The following GALNT17 variants were observed in gnomAD, a reference collection of about 807,000 sequenced individuals.
GALNT17 encodes the protein polypeptide N-acetylgalactosaminyltransferase 17.
In GALNT17, 29 loss-of-function variants were observed where a neutral mutation model predicts 63.7. That is an observed-to-expected ratio of 0.46 (90% CI 0.34 to 0.62). The LOEUF (loss-of-function observed/expected upper bound fraction) is 0.62, where lower values mean the gene tolerates loss of function less well. GALNT17 is among the 20% of genes least tolerant of loss of function. GALNT17 has a pLI of 0.01. For missense variants in GALNT17, 603 were observed against 799.6 expected (o/e 0.75, Z 2.97); for synonymous variants, 305 against 318.3 (o/e 0.96, Z 0.45).
intron 3 of GALNT17, among the ~76,000 whole-genome samples, chr7:71,397,941 T>TCGTTGTTGTTG (rs1563063497): frequency 5.3e-5 from 8 of 150,690 alleles, no homozygotes; most frequent in Non-Finnish European, 4.4e-5. Context: ...CATTATTGTC[T>TCGTTGTTGTTG]TTGTTGTTGT....
At chr7:71,704,527 A>G (rs969060090) in intron 9 of GALNT17, among the ~76,000 whole-genome samples, 1 of 149,084 alleles carries the variant, frequency 6.7e-6, no homozygotes, top group Non-Finnish European at 1.5e-5. Flanking sequence ...AGCTAATCCT[A>G]AAATACATAT....
chr7:71,479,994 G>GAA (rs1787787706), intron 5 of GALNT17, among the ~76,000 whole-genome samples: 1 of 152,044 alleles, frequency 6.6e-6, no homozygotes, highest in Admixed American at 6.6e-5. Flanking sequence ...CAACAGAGCA[G>GAA]CTCTATCCTT....
At chr7:71,678,220 G>A (rs1012904065) in intron 9 of GALNT17, among the ~76,000 whole-genome samples, 34 of 151,952 alleles carry the variant, frequency 2.2e-4, no homozygotes, top group Admixed American at 2.0e-3. Flanking sequence ...CGCCTTCTGG[G>A]TTCAAGCGAT....
chr7:71,197,143 T>C (rs1789066128), intron 1 of GALNT17, among the ~76,000 whole-genome samples: 1 of 151,692 alleles, frequency 6.6e-6, no homozygotes, highest in Admixed American at 6.6e-5. Context: ...CTTTTAGTTA[T>C]TTTAAAATGT....
At chr7:71,624,757 A>C (rs575534267) in intron 6 of GALNT17, among the ~76,000 whole-genome samples, 1 of 152,330 alleles carries the variant, frequency 6.6e-6, no homozygotes, top group African/African-American at 2.4e-5. Flanking sequence ...GGTTAACATA[A>C]ATCACACAAT....
At chr7:71,360,349 A>G (rs1323142449) in intron 2 of GALNT17, among the ~76,000 whole-genome samples, 1 of 152,078 alleles carries the variant, frequency 6.6e-6, no homozygotes, top group African/African-American at 2.4e-5. Flanking sequence ...ACTAAATAAA[A>G]GGAAAACATG....
At position 71,270,992 on chromosome 7, in the gene GALNT17, T is replaced by C. The variant is rs541253225; in HGVS notation, c.239-64558T>C. 1.6e-4 allele frequency among the ~76,000 whole-genome samples: 25 copies of C among 152,144 alleles called. 1 individual carries two copies. The South Asian group carries it at 5.2e-3, about 32-fold the overall frequency. On this transcript the variant is annotated intron_variant, in intron 1 of 10. Coordinates refer to ENST00000333538, the MANE Select transcript of GALNT17 (RefSeq NM_022479.3). ...AAAAAAAGACTGGGAAAGCGTTTTC[T>C]AGGAATTTCATCATGACCCTTTAAA...
At chr7:71,159,945 C>G (rs566416630) in intron 1 of GALNT17, among the ~76,000 whole-genome samples, 1 of 151,912 alleles carries the variant, frequency 6.6e-6, no homozygotes, top group Admixed American at 6.6e-5. Context: ...CCACTCAGAT[C>G]TAATTTTTAA....
intron 1 of GALNT17, among the ~76,000 whole-genome samples, chr7:71,207,662 T>C (rs895124727): frequency 6.6e-6 from 1 of 152,076 alleles, no homozygotes; most frequent in African/African-American, 2.4e-5. Flanking sequence ...CATGGGTAAG[T>C]GTCACTCGCA....
chr7:71,366,960 T>G (rs1792523531), intron 2 of GALNT17, among the ~76,000 whole-genome samples: 1 of 152,220 alleles, frequency 6.6e-6, no homozygotes, highest in Non-Finnish European at 1.5e-5. Context: ...GTTCCTTCTG[T>G]TGATTTCTGA....
At chr7:71,476,746 A>T (rs1787729154) in intron 5 of GALNT17, among the ~76,000 whole-genome samples, 1 of 152,180 alleles carries the variant, frequency 6.6e-6, no homozygotes, top group Admixed American at 6.5e-5. Context: ...AACAATGCAC[A>T]GGGCAGTTTC....
In GALNT17 at chr7:71,684,612, T is replaced by G. The variant is rs1314676531; in HGVS notation, c.1500+7306T>G. On this transcript the variant is annotated intron_variant, in intron 9 of 10. Transcript: ENST00000333538. ...CCATATCTGTTTTTGGTGACATGTT[T>G]AATCCTTCCAACTACTCTGTCTGGT... Among the ~76,000 whole-genome samples the G allele has an allele frequency of 2.0e-5, 3 of 152,168 alleles. No individual in the cohort carries two copies. The East Asian group carries it at 5.8e-4, about 29-fold the overall frequency.
intron 1 of GALNT17, among the ~76,000 whole-genome samples, chr7:71,262,170 G>A (rs1790396787): frequency 6.6e-6 from 1 of 151,774 alleles, no homozygotes; most frequent in Admixed American, 6.6e-5. Flanking sequence ...GGAGTGCAGT[G>A]GTGCGATCAT....
At chr7:71,595,694 C>T (rs2116925178) in intron 6 of GALNT17, among the ~76,000 whole-genome samples, 1 of 151,940 alleles carries the variant, frequency 6.6e-6, no homozygotes, top group South Asian at 2.1e-4. Flanking sequence ...CACACACACA[C>T]ACACACACAC....
intron 9 of GALNT17, among the ~76,000 whole-genome samples, chr7:71,695,783 A>T (rs749003381): frequency 6.6e-6 from 1 of 152,136 alleles, no homozygotes; most frequent in Non-Finnish European, 1.5e-5. Flanking sequence ...TCCTCTGTAG[A>T]TGTCTACAGG....
intron 1 of GALNT17, among the ~76,000 whole-genome samples, chr7:71,227,857 G>T (rs1354628161): frequency 6.6e-6 from 1 of 152,086 alleles, no homozygotes; most frequent in African/African-American, 2.4e-5. Flanking sequence ...TCCAGCTCAC[G>T]GGTTGAGGAA....
At chr7:71,446,991 G>A (rs189463072) in intron 5 of GALNT17, among the ~76,000 whole-genome samples, 192 of 152,130 alleles carry the variant, frequency 1.3e-3, no homozygotes, top group African/African-American at 4.4e-3. Context: ...TCACTCACCC[G>A]CATCCACCTC....
At chr7:71,467,544 T>G (rs1787555649) in intron 5 of GALNT17, among the ~76,000 whole-genome samples, 1 of 152,194 alleles carries the variant, frequency 6.6e-6, no homozygotes, top group East Asian at 1.9e-4. Context: ...TTTTTCAAAG[T>G]TAGGAACATC....
chr7:71,366,870 AT>A lies in GALNT17; in HGVS notation c.423-21362del, dbSNP rs377131117. Among the ~76,000 whole-genome samples, 102 of 152,256 alleles carry A rather than the reference AT, an allele frequency of 6.7e-4. 1 individual carries two copies. The highest frequency in any genetic ancestry group is 2.4e-3 in the African/African-American group (100 of 41,562). On this transcript the variant is annotated intron_variant, in intron 2 of 10. Transcript: ENST00000333538. Reference sequence around the variant, plus strand: ...TTGCCAACCTGAAGGCTAAAAAAATATTTCTTTATAGTTCTTGGATGCCTTT... The same window carrying A: ...TTGCCAACCTGAAGGCTAAAAAAATATTCTTTATAGTTCTTGGATGCCTTT...
Sources: allele counts gnomAD v4.1 joint callset (sites outside exome capture counted in the v4.1 genomes callset), GRCh38; gene constraint gnomAD v4.1.1; transcripts MANE v1.5; gene names NCBI Gene and HGNC (gene_info 2026-07-23, HGNC 2026-07-21).